The following CFAP97 variants were observed in gnomAD, a reference collection of about 807,000 sequenced individuals.
CFAP97 encodes cilia- and flagella-associated protein 97.
Under a neutral mutation model 43.1 loss-of-function variants are expected in CFAP97, and 36 were observed. The observed-to-expected ratio is 0.84, with a 90% CI of 0.64 to 1.10. The LOEUF is 1.10. Among genes scored for constraint, CFAP97 ranks in the 50% least tolerant of loss-of-function variants. The pLI is 0.00. For synonymous variants in CFAP97, 228 were observed against 225.7 expected, an observed-to-expected ratio of 1.01 and a Z score of -0.09; for missense variants, 657 against 620.3, an observed-to-expected ratio of 1.06 and a Z score of -0.63.
chr4:185,209,655 G>A (rs1159126035), upstream of CFAP97, among the ~76,000 whole-genome samples: 1 of 151,520 alleles, frequency 6.6e-6, no homozygotes, highest in Admixed American at 6.6e-5. This position sits in a 1 kb window ranked among gnomAD's most constrained non-coding sequence, Gnocchi z 5.2. Flanking sequence ...CGGGCCCAGC[G>A]CCTGGTGGCG....
upstream of CFAP97, chr4:185,210,217 C>T (rs868795597): frequency 3.0e-6 from 3 of 984,710 alleles, no homozygotes; most frequent in Middle Eastern, 5.2e-4. This position sits in a 1 kb window ranked among gnomAD's most constrained non-coding sequence, Gnocchi z 4.4. Flanking sequence ...CGCCTGGAGC[C>T]GGCTGGCCGC....
chr4:185,180,730 G>GT (rs1366506785), intron 2 of CFAP97, among the ~76,000 whole-genome samples: 3 of 151,970 alleles, frequency 2.0e-5, no homozygotes, highest in South Asian at 2.1e-4. Flanking sequence ...TTTTGTTACT[G>GT]TTTTTTCTCA....
At chr4:185,181,871 T>C (rs950986125) in intron 2 of CFAP97, among the ~76,000 whole-genome samples, 1 of 152,204 alleles carries the variant, frequency 6.6e-6, no homozygotes, top group Non-Finnish European at 1.5e-5. Flanking sequence ...AATCTCAGTA[T>C]GGGCATCTCC....
chr4:185,181,082 C>T (rs898864510), intron 2 of CFAP97, among the ~76,000 whole-genome samples: 102 of 151,826 alleles, frequency 6.7e-4, no homozygotes, highest in Non-Finnish European at 3.2e-4. Flanking sequence ...AACCTTGTCT[C>T]TGCAGACTTT....
intron 2 of CFAP97, among the ~76,000 whole-genome samples, chr4:185,189,132 G>T (rs1042292275): frequency 2.0e-5 from 3 of 152,176 alleles, no homozygotes; most frequent in Non-Finnish European, 2.9e-5. Flanking sequence ...AGGTACTCAG[G>T]AGGCTGAGGC....
intron 3 of CFAP97, among the ~76,000 whole-genome samples, chr4:185,166,231 T>G (rs555807090): frequency 1.3e-5 from 2 of 152,326 alleles, no homozygotes; most frequent in South Asian, 4.1e-4. Context: ...TCCTCTTTCT[T>G]GCATTGTGGA....
chr4:185,190,902 T>C lies in CFAP97; in HGVS notation c.295A>G (p.Arg99Gly), dbSNP rs1489674283. Residue 99 changes from arginine (R) to glycine (G), a missense_variant, in exon 2 of 5, where the codon AGA becomes GGA. Transcript: ENST00000458385. ...VSSFSLPASS[R>G]SKKLCDVTTG... ...GTAACATCACACAATTTTTTTGATC[T>C]TGAAGAGGCTGGCAATGAGAAAGAA... 1.1e-5 allele frequency: 17 copies of C among 1,613,406 alleles called. No individual in the cohort carries two copies. Among genetic ancestry groups the C allele is most frequent in the Non-Finnish European group, 1.4e-5 (17 of 1,179,668 alleles).
At chr4:185,188,725 G>T (rs901489099) in intron 2 of CFAP97, among the ~76,000 whole-genome samples, 18 of 151,966 alleles carry the variant, frequency 1.2e-4, no homozygotes, top group African/African-American at 4.4e-4. Context: ...CTTTGCAAAA[G>T]ATCACTTTAG....
At chr4:185,164,252 A>G in intron 3 of CFAP97, 73 bp from the exon 4 acceptor site, 1 of 1,360,176 alleles carries the variant, frequency 7.4e-7, no homozygotes, top group Non-Finnish European at 1.0e-6. Flanking sequence ...TACATTCTAG[A>G]GCCTGACATT....
chr4:185,206,762 G>C (rs1041615540), upstream of CFAP97, among the ~76,000 whole-genome samples: 2 of 151,438 alleles, frequency 1.3e-5, no homozygotes, highest in African/African-American at 2.4e-5. Context: ...GAATTTATTA[G>C]AGGAATTGGC....
Position 185,162,767 on chromosome 4 carries a change from G to A in CFAP97, c.*31C>T. On this transcript the variant is annotated 3_prime_UTR_variant, in exon 5 of 5. Transcript: ENST00000458385. The stretch of plus-strand genomic sequence containing the variant: ...ATGCACGAGCACTTCAAGAAAAGTT[G>A]TGTGAACAATGTTTAAAGTAAAAAA... 1 of 1,605,160 alleles carries A rather than the reference G, an allele frequency of 6.2e-7. No homozygotes were observed. The highest frequency in any genetic ancestry group is 1.3e-5 in the African/African-American group (1 of 74,922).
At chr4:185,187,099 T>C (rs1736034302) in intron 2 of CFAP97, among the ~76,000 whole-genome samples, 1 of 152,200 alleles carries the variant, frequency 6.6e-6, no homozygotes, top group South Asian at 2.1e-4. Context: ...GATGGCTTGA[T>C]TAAAAATTGG....
chr4:185,171,589 C>A (rs537899192), intron 3 of CFAP97, among the ~76,000 whole-genome samples: 2 of 152,284 alleles, frequency 1.3e-5, no homozygotes, highest in African/African-American at 4.8e-5. Flanking sequence ...AATCTCACTT[C>A]TTCTTAGAGG....
chr4:185,206,706 G>A (rs1303110322), upstream of CFAP97, among the ~76,000 whole-genome samples: 1 of 149,546 alleles, frequency 6.7e-6, no homozygotes, highest in Non-Finnish European at 1.5e-5. Context: ...ACTAATCTTG[G>A]TTCAGAAAGA....
chr4:185,170,755 C>T (rs1000833907), intron 3 of CFAP97, among the ~76,000 whole-genome samples: 3 of 151,368 alleles, frequency 2.0e-5, no homozygotes, highest in Non-Finnish European at 4.4e-5. Context: ...GACGCCGAGG[C>T]TGGTGGATCA....
chr4:185,208,274 C>T (rs892268198), upstream of CFAP97, among the ~76,000 whole-genome samples: 7 of 151,992 alleles, frequency 4.6e-5, no homozygotes, highest in African/African-American at 1.2e-4. Context: ...CCTCAGCCTC[C>T]GAAAGTGTAG....
chr4:185,187,901 T>C (rs1230558841), intron 2 of CFAP97, among the ~76,000 whole-genome samples: 1 of 152,136 alleles, frequency 6.6e-6, no homozygotes, highest in African/African-American at 2.4e-5. Context: ...ATATTATTAC[T>C]ATTATCATTT....
chr4:185,185,034 C>T (rs892387409), intron 2 of CFAP97, among the ~76,000 whole-genome samples: 1 of 152,112 alleles, frequency 6.6e-6, no homozygotes, highest in African/African-American at 2.4e-5. Context: ...AAAAATAAAG[C>T]CCACTAGACA....
At chr4:185,202,082 C>G (rs141054657) in intron 1 of CFAP97, among the ~76,000 whole-genome samples, 1 of 152,202 alleles carries the variant, frequency 6.6e-6, no homozygotes, top group Non-Finnish European at 1.5e-5. Context: ...CTGGGAGCTC[C>G]TCGTCACTTC....
Sources: allele counts gnomAD v4.1 joint callset (sites outside exome capture counted in the v4.1 genomes callset), GRCh38; gene constraint gnomAD v4.1.1; non-coding constraint Gnocchi (gnomAD v3.1); transcripts MANE v1.5; gene names NCBI Gene and HGNC (gene_info 2026-07-23, HGNC 2026-07-21).